PDE4B: variants seen among roughly 807,000 people sequenced by gnomAD.
PDE4B encodes the protein phosphodiesterase 4B.
A neutral mutation model predicts 82.2 loss-of-function variants in PDE4B; 20 were observed. The ratio of observed to expected loss-of-function variants is 0.24; its 90% CI spans 0.17 to 0.35. PDE4B has a LOEUF of 0.35. Ranked by LOEUF, PDE4B falls within the 10% of genes least tolerant of loss-of-function variation. The pLI is 1.00. For missense variants in PDE4B, 655 were observed against 907.2 expected (o/e 0.72, Z 3.57); for synonymous variants, 320 against 318.9 (o/e 1.00, Z -0.04).
intron 3 of PDE4B, among the ~76,000 whole-genome samples, chr1:66,054,606 C>T (rs1655206713): frequency 6.6e-6 from 1 of 152,164 alleles, no homozygotes; most frequent in Non-Finnish European, 1.5e-5. Context: ...TTCAGTTTCT[C>T]CCAAAAGCCT....
intron 3 of PDE4B, among the ~76,000 whole-genome samples, chr1:66,030,378 G>A (rs1213169111): frequency 2.0e-5 from 3 of 152,124 alleles, no homozygotes; most frequent in Admixed American, 1.3e-4. Flanking sequence ...GATGAGTTAG[G>A]GAGAAGCCCC....
chr1:66,351,789 A>C (rs1181334664), intron 8 of PDE4B, among the ~76,000 whole-genome samples: 1 of 152,202 alleles, frequency 6.6e-6, no homozygotes, highest in African/African-American at 2.4e-5. Context: ...GGCTCAACAG[A>C]AACACTCCCA....
chr1:66,027,469 T>C (rs4360504), intron 3 of PDE4B, among the ~76,000 whole-genome samples: 70,595 of 151,944 alleles, frequency 0.46, 17,219 homozygotes, highest in Non-Finnish European at 0.55. Flanking sequence ...ATTCTGTGCC[T>C]GGCCCCACCA....
intron 3 of PDE4B, among the ~76,000 whole-genome samples, chr1:66,111,884 T>C (rs1021585074): frequency 6.6e-6 from 1 of 152,158 alleles, no homozygotes. Context: ...ACTATAATCA[T>C]TGTTTCTTAA....
chr1:66,177,954 G>A (rs1258800168), intron 3 of PDE4B, among the ~76,000 whole-genome samples: 1 of 151,030 alleles, frequency 6.6e-6, no homozygotes. Flanking sequence ...AGATACAAAG[G>A]ACCAAGTGTT....
In PDE4B at chr1:66,363,456, C is replaced by A; in HGVS notation, c.1169C>A (p.Thr390Asn). The A allele has an allele frequency of 6.2e-7, 1 of 1,613,324 alleles. No individual in the cohort carries two copies. The highest frequency in any genetic ancestry group is 1.1e-5 in the South Asian group (1 of 91,058). Reference sequence around the variant, plus strand: ...AGAATCTCATCTGACACATTTATAACCTACATGATGACTTTAGAAGACCAT... The same window carrying A: ...AGAATCTCATCTGACACATTTATAAACTACATGATGACTTTAGAAGACCAT... ...TFRISSDTFI[T>N]YMMTLEDHYH... The change falls in exon 12 of 17, where the codon ACC (threonine) becomes AAC (asparagine). Residue 390 changes from threonine to asparagine, a missense_variant. Physicochemically the swap from Thr to Asn is moderately conservative, Grantham distance 65. Transcript: ENST00000341517.
At chr1:66,029,562 A>T (rs1170695733) in intron 3 of PDE4B, among the ~76,000 whole-genome samples, 1 of 152,206 alleles carries the variant, frequency 6.6e-6, no homozygotes, top group Non-Finnish European at 1.5e-5. Context: ...TGAAAGATGA[A>T]GAGTCTATTG....
At chr1:65,985,419 T>C (rs1650905612) in intron 3 of PDE4B, among the ~76,000 whole-genome samples, 1 of 152,186 alleles carries the variant, frequency 6.6e-6, no homozygotes, top group Non-Finnish European at 1.5e-5. Flanking sequence ...ATTAATACTA[T>C]GTTATTTTTT....
chr1:66,220,441 G>T (rs1363138937), intron 3 of PDE4B, among the ~76,000 whole-genome samples: 1 of 152,160 alleles, frequency 6.6e-6, no homozygotes, highest in South Asian at 2.1e-4. Flanking sequence ...TCTTAATGCA[G>T]TATGAAGTTG....
chr1:66,055,287 G>A (rs150003404), intron 3 of PDE4B, among the ~76,000 whole-genome samples: 7 of 152,310 alleles, frequency 4.6e-5, no homozygotes, highest in East Asian at 1.9e-4. Flanking sequence ...GCATGTTTGC[G>A]TAACGCTTAT....
intron 1 of PDE4B, among the ~76,000 whole-genome samples, chr1:65,878,160 G>A (rs1646668484): frequency 6.6e-6 from 1 of 152,184 alleles, no homozygotes; most frequent in African/African-American, 2.4e-5. Flanking sequence ...TTAGATAAAT[G>A]CAAATCAAAA....
At chr1:65,971,910 G>C (rs1006221300) in intron 3 of PDE4B, among the ~76,000 whole-genome samples, 3 of 151,994 alleles carry the variant, frequency 2.0e-5, no homozygotes, top group African/African-American at 7.2e-5. Flanking sequence ...GAAAAAAGTA[G>C]GTCATAATCT....
At chr1:65,866,132 G>A (rs1281520246) in intron 1 of PDE4B, among the ~76,000 whole-genome samples, 2 of 152,226 alleles carry the variant, frequency 1.3e-5, no homozygotes, top group East Asian at 3.9e-4. Flanking sequence ...TTGGGAAAGG[G>A]AGGGGTTAAT....
intron 3 of PDE4B, among the ~76,000 whole-genome samples, chr1:66,130,352 C>A (rs544700976): frequency 6.6e-6 from 1 of 152,224 alleles, no homozygotes; most frequent in Non-Finnish European, 1.5e-5. Context: ...TTCTTTCATT[C>A]ATTCATTCAT....
chr1:66,255,068 T>TTTTCTCTTTCTTTC (rs1193257621), intron 4 of PDE4B, among the ~76,000 whole-genome samples: 8 of 151,962 alleles, frequency 5.3e-5, no homozygotes, highest in Non-Finnish European at 1.2e-4. Flanking sequence ...TCTTTTCTTT[T>TTTTCTCTTTCTTTC]TTTCTCTTTC....
intron 7 of PDE4B, among the ~76,000 whole-genome samples, chr1:66,303,910 T>C (rs981468466): frequency 6.6e-6 from 1 of 152,174 alleles, no homozygotes; most frequent in African/African-American, 2.4e-5. Context: ...AACTTGCTTA[T>C]GTGGTTATTT....
chr1:66,193,535 A>G (rs1648006023), intron 3 of PDE4B, among the ~76,000 whole-genome samples: 1 of 152,158 alleles, frequency 6.6e-6, no homozygotes, highest in African/African-American at 2.4e-5. Context: ...CTTCAGGGAA[A>G]TGTTATCATC....
At chr1:65,960,631 A>G (rs1322099045) in intron 3 of PDE4B, among the ~76,000 whole-genome samples, 1 of 152,128 alleles carries the variant, frequency 6.6e-6, no homozygotes, top group East Asian at 1.9e-4. Context: ...AAAAATATAT[A>G]TAAAAATATA....
intron 15 of PDE4B, 125 bp downstream of exon 15, chr1:66,368,190 G>T: frequency 1.1e-6 from 1 of 881,152 alleles, no homozygotes; most frequent in Non-Finnish European, 1.7e-6. Flanking sequence ...ATAGCTTAGG[G>T]CTTATTTTAA....
Sources: allele counts gnomAD v4.1 joint callset (sites outside exome capture counted in the v4.1 genomes callset), GRCh38; gene constraint gnomAD v4.1.1; transcripts MANE v1.5; gene names NCBI Gene and HGNC (gene_info 2026-07-23, HGNC 2026-07-21).